The following DPP6 variants were observed in gnomAD, a reference collection of about 807,000 sequenced individuals.
DPP6 encodes dipeptidyl peptidase like 6, also known as A-type potassium channel modulatory protein DPP6.
In DPP6, 69 loss-of-function variants were observed where a neutral mutation model predicts 122.6. The observed-to-expected ratio is 0.56, with a 90% CI of 0.46 to 0.69. DPP6 has a LOEUF of 0.69. DPP6 is among the 30% of genes least tolerant of loss of function. The probability of loss-of-function intolerance (pLI) is 0.00; values close to 1 mark genes in which losing one functional copy is unlikely to be tolerated. For synonymous variants in DPP6, 418 were observed against 433.1 expected (o/e 0.97, Z 0.43); for missense variants, 928 against 1,116.9 (o/e 0.83, Z 2.41).
At chr7:154,890,115 C>T (rs1006683469) in intron 25 of DPP6, 2 of 153,804 alleles carry the variant, frequency 1.3e-5, no homozygotes, top group African/African-American at 4.8e-5. Context: ...CAAACCTGGG[C>T]TCTTCCCAGT....
rs116182162 is a variant in DPP6 at position 154,284,201 on chromosome 7, A to G, written c.244-162013A>G. ...TGAGGGGACTGTGAGATGCCTGTGT[A>G]GGTGAGTCTTTGCTGATTTATAGAC... On this transcript the variant is annotated intron_variant, in intron 1 of 25. Coordinates refer to ENST00000377770, the MANE Select transcript of DPP6 (RefSeq NM_130797.4). Among the ~76,000 whole-genome samples the G allele has an allele frequency of 6.3e-3, 959 of 152,296 alleles. 15 individuals are homozygous for G. Among genetic ancestry groups the G allele is most frequent in the African/African-American group, 0.022 (902 of 41,566 alleles).
At chr7:154,626,553 G>A (rs779521443) in intron 5 of DPP6, among the ~76,000 whole-genome samples, 9 of 152,184 alleles carry the variant, frequency 5.9e-5, no homozygotes, top group Admixed American at 2.0e-4. Context: ...CAGAAAAGAA[G>A]GAACTAAGGT....
intron 6 of DPP6, among the ~76,000 whole-genome samples, chr7:154,661,963 G>T (rs1480203433): frequency 6.7e-6 from 1 of 150,374 alleles, no homozygotes; most frequent in Non-Finnish European, 1.5e-5. Flanking sequence ...TATAGTCATG[G>T]TGAATCAGCA....
chr7:153,785,893 G>GT, the DPP6 span, among the ~76,000 whole-genome samples: 52,307 of 145,728 alleles, frequency 0.36, 9,782 homozygotes, highest in South Asian at 0.47. Flanking sequence ...TTTTAAAACT[G>GT]TTTTTTTTTT....
intron 5 of DPP6, among the ~76,000 whole-genome samples, chr7:154,627,155 G>T (rs1835130616): frequency 6.8e-6 from 1 of 147,814 alleles, no homozygotes; most frequent in Non-Finnish European, 1.5e-5. Flanking sequence ...TGGAACTACA[G>T]GCACCCACCA....
chr7:153,790,340 A>C, the DPP6 span, among the ~76,000 whole-genome samples: 1 of 135,306 alleles, frequency 7.4e-6, no homozygotes, highest in African/African-American at 2.7e-5. Context: ...ATGAACAAAT[A>C]ATTTCAGTAA....
chr7:154,449,482 T>C (rs1433575766), intron 2 of DPP6, among the ~76,000 whole-genome samples: 7 of 152,194 alleles, frequency 4.6e-5, no homozygotes, highest in Non-Finnish European at 7.3e-5. Context: ...CTTACATTAC[T>C]AGTAGAAAGA....
chr7:154,475,126 G>T, intron 3 of DPP6, 89 bp downstream of exon 3: 1 of 979,504 alleles, frequency 1.0e-6, no homozygotes, highest in East Asian at 2.4e-5. Context: ...TTGCCTCTCG[G>T]ATTTCCCCCT....
At chr7:154,859,427 G>C (rs1034415874) in intron 17 of DPP6, among the ~76,000 whole-genome samples, 1 of 152,250 alleles carries the variant, frequency 6.6e-6, no homozygotes, top group African/African-American at 2.4e-5. Flanking sequence ...CCTCGGCACT[G>C]TGCGTCAGCT....
chr7:154,613,709 T>C (rs1834056017), intron 5 of DPP6, among the ~76,000 whole-genome samples: 1 of 148,064 alleles, frequency 6.8e-6, no homozygotes, highest in South Asian at 2.1e-4. Context: ...AAATAATCAA[T>C]GGTAGAGCTT....
At chr7:154,409,391 A>C (rs940866190) in intron 1 of DPP6, among the ~76,000 whole-genome samples, 24 of 152,276 alleles carry the variant, frequency 1.6e-4, no homozygotes, top group Middle Eastern at 6.8e-3. Context: ...TGACACCTTC[A>C]TCTTGGACTT....
At chr7:153,789,912 C>T in the DPP6 span, among the ~76,000 whole-genome samples, 37 of 152,044 alleles carry the variant, frequency 2.4e-4, no homozygotes, top group African/African-American at 8.5e-4. Flanking sequence ...CAAAGGTCAG[C>T]TGGATCTATG....
intron 10 of DPP6, among the ~76,000 whole-genome samples, chr7:154,773,864 G>A (rs770091010): frequency 1.1e-4 from 16 of 152,200 alleles, no homozygotes; most frequent in Non-Finnish European, 2.1e-4. Flanking sequence ...GGATGCTCCA[G>A]CACCTGGTGA....
intron 5 of DPP6, among the ~76,000 whole-genome samples, chr7:154,615,914 A>G (rs1445917966): frequency 1.3e-5 from 2 of 152,194 alleles, no homozygotes; most frequent in African/African-American, 2.4e-5. Flanking sequence ...CAGCCCTGGT[A>G]AGTCTCCCTC....
At chr7:153,895,997 A>G (rs1799398871) in intron 1 of DPP6, among the ~76,000 whole-genome samples, 1 of 152,252 alleles carries the variant, frequency 6.6e-6, no homozygotes, top group Non-Finnish European at 1.5e-5. Context: ...GCCGGCCACA[A>G]GGCCTGTTTT....
Position 154,796,760 on chromosome 7 carries a change from A to G in DPP6, c.1299+877A>G, listed in dbSNP as rs564626314. The stretch of plus-strand genomic sequence containing the variant: ...ACAAAACTATCGCCATGGCTCTCCA[A>G]GAACATTCCAGCACTATAGATGCTG... On this transcript the variant is annotated intron_variant, in intron 12 of 25. Coordinates refer to ENST00000377770, the MANE Select transcript of DPP6 (RefSeq NM_130797.4). 1.3e-3 allele frequency among the ~76,000 whole-genome samples: 194 copies of G among 152,334 alleles called. 1 individual carries two copies. The highest frequency in any genetic ancestry group is 4.4e-3 in the African/African-American group (182 of 41,572).
chr7:153,791,514 G>C, the DPP6 span, among the ~76,000 whole-genome samples: 1 of 139,322 alleles, frequency 7.2e-6, no homozygotes, highest in African/African-American at 2.6e-5. Context: ...TGCCTCCCAG[G>C]TGGTTCAAGC....
At chr7:154,505,798 C>T (rs1056179402) in intron 3 of DPP6, among the ~76,000 whole-genome samples, 2 of 152,094 alleles carry the variant, frequency 1.3e-5, no homozygotes, top group Non-Finnish European at 2.9e-5. Flanking sequence ...TCGTACTTGT[C>T]ATTTTCTCTA....
At chr7:154,504,791 CAG>C (rs1271074307) in intron 3 of DPP6, among the ~76,000 whole-genome samples, 1 of 142,562 alleles carries the variant, frequency 7.0e-6, no homozygotes, top group Non-Finnish European at 1.5e-5. Flanking sequence ...TATACAGTAT[CAG>C]GGTGTTTTTT....
Sources: allele counts gnomAD v4.1 joint callset (sites outside exome capture counted in the v4.1 genomes callset), GRCh38; gene constraint gnomAD v4.1.1; transcripts MANE v1.5; gene names NCBI Gene and HGNC (gene_info 2026-07-23, HGNC 2026-07-21).